The following HAX1 variants were observed in gnomAD, a reference collection of about 807,000 sequenced individuals.
HAX1 encodes the protein HCLS1 associated protein X-1, also known as HCLS1-associated protein X-1.
In HAX1, 27 loss-of-function variants were observed where a neutral mutation model predicts 31.1. The ratio of observed to expected loss-of-function variants is 0.87; its 90% confidence interval spans 0.64 to 1.20. The LOEUF (loss-of-function observed/expected upper bound fraction) is 1.20, where lower values mean the gene tolerates loss of function less well. Ranked by LOEUF, HAX1 falls within the 50% of genes most tolerant of loss-of-function variation. HAX1 has a pLI of 0.00. For missense variants in HAX1, 357 were observed against 361.6 expected, an observed-to-expected ratio of 0.99 and a Z score of 0.10; for synonymous variants, 114 against 124.1, an observed-to-expected ratio of 0.92 and a Z score of 0.54.
In HAX1 at chr1:154,275,453, C is replaced by T. The variant is rs760377093; in HGVS notation, c.724C>T (p.Arg242Ter). ...GGGCCGGACAGAGACTACAGTAACC[C>T]GACACGAAGCAGATAGCAGTCCTAG... ...SEGRTETTVT[R>*]HEADSSPRGD... is the part of the protein sequence containing the mutation. The change falls in exon 6 of 7, where the codon CGA (arginine) becomes TGA (stop). Residue 242 changes from arginine (R) to a stop codon, truncating the protein, a stop_gained. Coordinates refer to ENST00000328703, the MANE Select transcript of HAX1 (RefSeq NM_006118.4). LOFTEE classifies it high-confidence loss of function. 56 of 1,613,896 alleles carry T rather than the reference C, an allele frequency of 3.5e-5. No homozygotes were observed. The East Asian group carries it at 9.6e-4, about 28-fold the overall frequency.
chr1:154,274,104 T>TG (rs1415579010), intron 3 of HAX1, 143 bp downstream of exon 3: 1 of 740,450 alleles, frequency 1.4e-6, no homozygotes, highest in Non-Finnish European at 2.4e-6. Context: ...GGTCAGGAGT[T>TG]GGAGACCAGC....
Position 154,275,005 on chromosome 1 carries a change from A to G in HAX1, c.556+4A>G. 1 of 1,606,604 alleles carries G rather than the reference A, an allele frequency of 6.2e-7. No individual in the cohort carries two copies. Among genetic ancestry groups the G allele is most frequent in the Non-Finnish European group, 8.5e-7 (1 of 1,173,154 alleles). ...CCTAGAACCAGAGAGGACAATGGTAAGTCTGGAGGAAGGGGAAGTTTACCA... is the reference window on the plus strand; with the variant it reads ...CCTAGAACCAGAGAGGACAATGGTAGGTCTGGAGGAAGGGGAAGTTTACCA... On this transcript the variant is annotated splice_donor_region_variant and intron_variant, in intron 4 of 6. Coordinates refer to ENST00000328703, the MANE Select transcript of HAX1 (RefSeq NM_006118.4).
At position 154,275,842 on chromosome 1, in the gene HAX1, C is replaced by T. The variant is rs1440433623; in HGVS notation, c.*141C>T. On this transcript the variant is annotated 3_prime_UTR_variant, in exon 7 of 7. Transcript: ENST00000328703. ...GGGGCCATGTCAGTTTGTCACTCAC[C>T]CAAACTGACCAATAAAACCTTTATT... is the stretch of plus-strand genomic sequence containing the variant. 1 of 691,882 alleles carries T rather than the reference C, an allele frequency of 1.4e-6. No homozygotes were observed. Among genetic ancestry groups the T allele is most frequent in the East Asian group, 2.7e-5 (1 of 36,888 alleles). The allele number at this position is 691,882 out of a possible 1,614,324, so 42.9% of individuals were successfully genotyped here.
At position 154,273,329 on chromosome 1, in the gene HAX1, C is replaced by G. The variant is rs1210978517; in HGVS notation, c.54-7C>G. On this transcript the variant is annotated splice_region_variant and splice_polypyrimidine_tract_variant and intron_variant, in intron 1 of 6. Coordinates refer to ENST00000328703, the MANE Select transcript of HAX1 (RefSeq NM_006118.4). ...AATATTGGTGGCCAATCTGCCTCCA[C>G]TCTCAGCCACAGAGATCCCTTTTTT... The G allele has an allele frequency of 1.2e-6, 2 of 1,613,928 alleles. No individual in the cohort carries two copies. Among genetic ancestry groups the G allele is most frequent in the Admixed American group, 3.3e-5 (2 of 59,996 alleles).
rs1359764607 is a variant in HAX1 at position 154,273,839 on chromosome 1, T to G, written c.382T>G (p.Ser128Ala). 1.9e-6 allele frequency: 3 copies of G among 1,613,940 alleles called. No homozygotes were observed. The African/African-American group carries it at 4.0e-5, about 22-fold the overall frequency. The change falls in exon 3 of 7, where the codon TCA becomes GCA. Residue 128 changes from serine (S) to alanine (A), a missense_variant. Ser to Ala is a moderately conservative substitution (Grantham distance 99). Transcript: ENST00000328703. ...ACGGGAGGGACAGACACTTCGGGACTCAATGCTTAAGTATCCAGATAGTCA... is the reference window on the plus strand; with the variant it reads ...ACGGGAGGGACAGACACTTCGGGACGCAATGCTTAAGTATCCAGATAGTCA... ...RLREGQTLRDSMLKYPDSHQP... is the reference protein window; with the variant it reads ...RLREGQTLRDAMLKYPDSHQP...
At chr1:154,273,084 G>C in intron 1 of HAX1, 1 of 603,384 alleles carries the variant, frequency 1.7e-6, no homozygotes, top group South Asian at 2.0e-5. Flanking sequence ...GAGGGACTGG[G>C]GCACACTGAA....
chr1:154,273,419 G>C lies in HAX1; in HGVS notation c.137G>C (p.Arg46Pro), dbSNP rs761500862. Reference protein sequence around the residue: ...EEEEEGGSWGRGNPRFHSPQH... With the variant: ...EEEEEGGSWGPGNPRFHSPQH... ...GAAGAAGAAGGGGGCTCATGGGGCCGTGGGAACCCAAGGTTCCATAGTCCT... is the reference window on the plus strand; with the variant it reads ...GAAGAAGAAGGGGGCTCATGGGGCCCTGGGAACCCAAGGTTCCATAGTCCT... The change falls in exon 2 of 7, where the codon CGT becomes CCT. Residue 46 changes from arginine (R) to proline (P), a missense_variant. Physicochemically the swap from Arg to Pro is moderately radical, Grantham distance 103. Transcript: ENST00000328703. 8 of 1,613,988 alleles carry C rather than the reference G, an allele frequency of 5.0e-6. No individual in the cohort carries two copies. Among genetic ancestry groups the C allele is most frequent in the Non-Finnish European group, 5.9e-6 (7 of 1,179,988 alleles).
intron 1 of HAX1, 179 bp from the exon 2 acceptor site, chr1:154,273,150 TAAAAAAA>T (rs373573437): frequency 8.9e-5 from 46 of 516,668 alleles, no homozygotes; most frequent in East Asian, 1.3e-4. Context: ...TGACTTTGAT[TAAAAAAA>T]AAAAAAAAAA....
intron 1 of HAX1, 62 bp from the exon 2 acceptor site, chr1:154,273,274 G>C (rs959258096): frequency 1.2e-6 from 2 of 1,607,652 alleles, no homozygotes; most frequent in Admixed American, 3.3e-5. Flanking sequence ...TGCCACCCAT[G>C]AGTTGATTTA....
chr1:154,272,871 C>T (rs1258468107), intron 1 of HAX1, 95 bp downstream of exon 1: 2 of 1,035,000 alleles, frequency 1.9e-6, no homozygotes, highest in African/African-American at 1.6e-5. Context: ...CTGTCCCACT[C>T]CTTCAACTCC....
Position 154,272,649 on chromosome 1 carries a change from A to T in HAX1, c.-75A>T, listed in dbSNP as rs1026889586. ...GGGCTGACGCCTCGCTCAATTTCTC[A>T]CAGGGCTGCGCAGGTTTCCCCCGTC... On this transcript the variant is annotated 5_prime_UTR_variant, in exon 1 of 7. Coordinates refer to ENST00000328703, the MANE Select transcript of HAX1 (RefSeq NM_006118.4). 5 of 1,472,996 alleles carry T rather than the reference A, an allele frequency of 3.4e-6. No homozygotes were observed. The African/African-American group carries it at 5.5e-5, about 16-fold the overall frequency. 91.2% of individuals were successfully genotyped at this position (1,472,996 alleles called of 1,614,324 possible). A position where few individuals can be genotyped will look rare whatever the true frequency, so the allele number is the denominator to read the frequency against.
At position 154,275,618 on chromosome 1, in the gene HAX1, C is replaced by A. The variant is rs149721308; in HGVS notation, c.757C>A (p.Pro253Thr). 9.7e-5 allele frequency: 157 copies of A among 1,612,860 alleles called. No individual in the cohort carries two copies. The highest frequency in any genetic ancestry group is 1.3e-4 in the Non-Finnish European group (153 of 1,178,836). ...HEADSSPRGD[P>T]ESPRPPALDD... ...ACGTGTATGACTTTCTTCCTTAGAT[C>A]CAGAATCACCAAGACCTCCAGCCCT... Residue 253 changes from proline (P) to threonine (T), a missense_variant and splice_region_variant, in exon 7 of 7, where the codon CCA becomes ACA. Coordinates refer to ENST00000328703, the MANE Select transcript of HAX1 (RefSeq NM_006118.4).
intron 3 of HAX1, among the ~76,000 whole-genome samples, chr1:154,274,651 G>C (rs1192865133): frequency 6.6e-6 from 1 of 152,018 alleles, no homozygotes; most frequent in Non-Finnish European, 1.5e-5. Context: ...ATTTTCTTTG[G>C]GGGGAGATGG....
chr1:154,274,972 A>T lies in HAX1; in HGVS notation c.527A>T (p.Asp176Val), dbSNP rs567615888. ...FHRFDDVWPM[D>V]PHPRTREDND... ...CAGTTTGATGATGTATGGCCTATGG[A>T]CCCCCATCCTAGAACCAGAGAGGAC... Residue 176 changes from aspartate (D) to valine (V), a missense_variant, in exon 4 of 7, where the codon GAC (aspartate) becomes GTC (valine). By Grantham distance (152) the Asp-to-Val change is radical. Coordinates refer to ENST00000328703, the MANE Select transcript of HAX1 (RefSeq NM_006118.4). The T allele has an allele frequency of 1.6e-5, 25 of 1,611,494 alleles. No homozygotes were observed. The African/African-American group carries it at 2.5e-4, about 16-fold the overall frequency.
At chr1:154,275,370 A>G in intron 5 of HAX1, 23 bp from the exon 6 acceptor site, 2 of 1,606,686 alleles carry the variant, frequency 1.2e-6, no homozygotes, top group Non-Finnish European at 1.7e-6. Context: ...CATTCGGAAT[A>G]TGGTGGGGAC....
intron 5 of HAX1, 60 bp from the exon 6 acceptor site, chr1:154,275,333 G>C: frequency 6.3e-7 from 1 of 1,576,800 alleles, no homozygotes; most frequent in South Asian, 1.1e-5. Context: ...TCTGTGTAAA[G>C]AAACTGCTGA....
rs1432688909 is a variant in HAX1 at position 154,273,353 on chromosome 1, T to A, written c.71T>A (p.Phe24Tyr). Residue 24 changes from phenylalanine to tyrosine, a missense_variant, in exon 2 of 7, where the codon TTT becomes TAT. Phe to Tyr is a conservative substitution (Grantham distance 22). Transcript: ENST00000328703. ...ACTCTCAGCCACAGAGATCCCTTTT[T>A]TGGAGGGATGACTCGAGATGAAGAT... ...PGPRSHRDPF[F>Y]GGMTRDEDDD... The A allele has an allele frequency of 6.2e-7, 1 of 1,613,496 alleles. No individual in the cohort carries two copies. The highest frequency in any genetic ancestry group is 1.7e-5 in the Admixed American group (1 of 59,950).
At chr1:154,272,807 G>A in intron 1 of HAX1, 31 bp downstream of exon 1, 1 of 1,604,688 alleles carries the variant, frequency 6.2e-7, no homozygotes, top group Non-Finnish European at 8.5e-7. Context: ...GACAAGGGTG[G>A]GGGTCGTCTG....
In HAX1 at chr1:154,275,385, C is replaced by G. The variant is rs763653046; in HGVS notation, c.664-8C>G. Reference sequence around the variant, plus strand: ...CATTCGGAATATGGTGGGGACTTCTCTTTGTAGATAGTGGAGGAGCGCCGG... The same window carrying G: ...CATTCGGAATATGGTGGGGACTTCTGTTTGTAGATAGTGGAGGAGCGCCGG... On this transcript the variant is annotated splice_polypyrimidine_tract_variant and splice_region_variant and intron_variant, in intron 5 of 6. Transcript: ENST00000328703. 7 of 1,612,978 alleles carry G rather than the reference C, an allele frequency of 4.3e-6. No homozygotes were observed. In the African/African-American group the frequency reaches 9.3e-5, roughly 22 times the overall value.
Sources: gnomAD v4.1 joint callset for allele counts (sites outside exome capture counted in the v4.1 genomes callset) on GRCh38, gnomAD v4.1.1 for gene constraint, MANE v1.5 for transcripts, NCBI Gene and HGNC (gene_info 2026-07-23, HGNC 2026-07-21) for gene names.